The following SLC8A1 variants were observed in gnomAD, a reference collection of about 807,000 sequenced individuals.
SLC8A1 encodes sodium/calcium exchanger 1.
Under a neutral mutation model 68.3 loss-of-function variants are expected in SLC8A1, and 18 were observed. The ratio of observed to expected loss-of-function variants is 0.26; its 90% CI spans 0.18 to 0.39. The LOEUF is 0.39. Ranked by LOEUF, SLC8A1 falls within the 10% of genes least tolerant of loss-of-function variation. The pLI is 1.00. For synonymous variants in SLC8A1, 475 were observed against 415.5 expected (o/e 1.14, Z -1.74); for missense variants, 985 against 1,156.7 (o/e 0.85, Z 2.15).
Position 40,196,784 on chromosome 2 carries a change from C to T in SLC8A1, c.1809-18929G>A, listed in dbSNP as rs77930509. On this transcript the variant is annotated intron_variant, in intron 2 of 7. Transcript: ENST00000406785. Reference sequence around the variant, plus strand: ...TCATGAAATTTACACTTTTCCATGACGCTTTCTTAGATTGATCAGGTGTCA... The same window carrying T: ...TCATGAAATTTACACTTTTCCATGATGCTTTCTTAGATTGATCAGGTGTCA... Among the ~76,000 whole-genome samples, 1,147 of 152,112 alleles carry T rather than the reference C, an allele frequency of 7.5e-3. 7 individuals carry two copies. The highest frequency in any genetic ancestry group is 0.012 in the Non-Finnish European group (842 of 67,950).
At chr2:40,432,692 T>A (rs1402261138) in intron 1 of SLC8A1, among the ~76,000 whole-genome samples, 2 of 151,810 alleles carry the variant, frequency 1.3e-5, no homozygotes, top group Non-Finnish European at 2.9e-5. Context: ...CAGAGAACAC[T>A]GAATTGCCAT....
chr2:40,266,709 T>C (rs984596373), intron 2 of SLC8A1, among the ~76,000 whole-genome samples: 16 of 152,196 alleles, frequency 1.1e-4, no homozygotes, highest in African/African-American at 3.9e-4. Flanking sequence ...CCATGGATCA[T>C]TGCTCACTTT....
At chr2:40,493,332 C>A (rs1285010246) in intron 1 of SLC8A1, among the ~76,000 whole-genome samples, 4 of 55,224 alleles carry the variant, frequency 7.2e-5, no homozygotes, top group African/African-American at 3.1e-4. Flanking sequence ...ACATCACTCT[C>A]TGGGGACTGT....
intron 4 of SLC8A1, among the ~76,000 whole-genome samples, chr2:40,169,716 G>A (rs764270982): frequency 6.6e-6 from 1 of 152,090 alleles, no homozygotes; most frequent in Non-Finnish European, 1.5e-5. Flanking sequence ...AGAGGCGGGT[G>A]GACTGCTTGA....
At chr2:40,129,458 A>T (rs2038878155) in intron 7 of SLC8A1, among the ~76,000 whole-genome samples, 1 of 151,764 alleles carries the variant, frequency 6.6e-6, no homozygotes, top group South Asian at 2.1e-4. Context: ...CTCATCTCGA[A>T]CTCCTGGACT....
At chr2:40,469,883 CT>C (rs1198884275) in intron 1 of SLC8A1, among the ~76,000 whole-genome samples, 1 of 152,112 alleles carries the variant, frequency 6.6e-6, no homozygotes, top group Admixed American at 6.6e-5. Context: ...TATTATAAAC[CT>C]TCCCATTGAA....
chr2:40,427,277 T>G (rs1697124880), intron 2 of SLC8A1, among the ~76,000 whole-genome samples: 1 of 152,118 alleles, frequency 6.6e-6, no homozygotes, highest in African/African-American at 2.4e-5. Flanking sequence ...CTTTTTGGTT[T>G]GTTTTCTCTC....
chr2:40,180,157 A>G (rs2049206443), intron 2 of SLC8A1, among the ~76,000 whole-genome samples: 1 of 152,176 alleles, frequency 6.6e-6, no homozygotes, highest in African/African-American at 2.4e-5. Flanking sequence ...TACCAACAGT[A>G]TGATAATGTC....
chr2:40,288,985 C>T (rs530042977), intron 2 of SLC8A1, among the ~76,000 whole-genome samples: 14 of 151,090 alleles, frequency 9.3e-5, no homozygotes, highest in African/African-American at 3.4e-4. Flanking sequence ...TGGGATTAGG[C>T]GTGAGCCACT....
In SLC8A1 at chr2:40,315,779, A is replaced by G. The variant is rs972213569; in HGVS notation, c.1808+112694T>C. Among the ~76,000 whole-genome samples, 3 of 152,024 alleles carry G rather than the reference A, an allele frequency of 2.0e-5. 1 individual carries two copies. Among genetic ancestry groups the G allele is most frequent in the Admixed American group, 2.0e-4 (3 of 15,224 alleles). Reference sequence around the variant, plus strand: ...CCAGTAACATGTCCCAGAGATAGAAATTTATCTAAATGTTATCTAAGTTCT... The same window carrying G: ...CCAGTAACATGTCCCAGAGATAGAAGTTTATCTAAATGTTATCTAAGTTCT... On this transcript the variant is annotated intron_variant, in intron 2 of 7. Coordinates refer to ENST00000406785, the Ensembl canonical transcript of SLC8A1.
At chr2:40,252,328 A>G (rs1411715141) in intron 2 of SLC8A1, among the ~76,000 whole-genome samples, 2 of 151,658 alleles carry the variant, frequency 1.3e-5, no homozygotes, top group African/African-American at 4.8e-5. Context: ...TAGATAGTAC[A>G]TTTGTATTTT....
chr2:40,450,826 A>G (rs1400928104), intron 1 of SLC8A1, among the ~76,000 whole-genome samples: 1 of 152,232 alleles, frequency 6.6e-6, no homozygotes, highest in Non-Finnish European at 1.5e-5. Flanking sequence ...GACTGCGTAC[A>G]ACATGCACAT....
Position 40,277,777 on chromosome 2 carries a change from AAT to A in SLC8A1, c.1809-99924_1809-99923del, listed in dbSNP as rs1274838069. ...ATACGTACATATAAACATATGTATA[AAT>A]ATATATATATGTGTGTATATATATA... On this transcript the variant is annotated intron_variant, in intron 2 of 7. Transcript: ENST00000406785. 7.4e-4 allele frequency among the ~76,000 whole-genome samples: 85 copies of A among 114,456 alleles called. 1 individual carries two copies. The South Asian group carries it at 0.014, about 18-fold the overall frequency. The allele number at this position is 114,456 out of a possible 152,430, so 75.1% of individuals were successfully genotyped here.
chr2:40,260,341 A>G (rs1171139420), intron 2 of SLC8A1, among the ~76,000 whole-genome samples: 1 of 152,228 alleles, frequency 6.6e-6, no homozygotes. Context: ...CTTAGCCCAT[A>G]GAAGATAGGT....
intron 2 of SLC8A1, among the ~76,000 whole-genome samples, chr2:40,361,062 A>G (rs1376835034): frequency 6.6e-6 from 1 of 152,180 alleles, no homozygotes; most frequent in Non-Finnish European, 1.5e-5. Flanking sequence ...CTATGGTGAC[A>G]TCAGATAGAG....
chr2:40,428,791 T>C (rs889240340), exon 2 of SLC8A1: 2 of 1,613,830 alleles, frequency 1.2e-6, no homozygotes, highest in South Asian at 1.1e-5. Flanking sequence ...TACTTTGACA[T>C]TGCTGAGATG....
At chr2:40,252,840 AC>A (rs2063024278) in intron 2 of SLC8A1, among the ~76,000 whole-genome samples, 1 of 114,352 alleles carries the variant, frequency 8.7e-6, no homozygotes, top group African/African-American at 3.8e-5. Context: ...ACATGTGTAT[AC>A]ATATATGTAT....
chr2:40,097,857 C>T (rs1467389375), exon 8 of SLC8A1: 2 of 151,922 alleles, frequency 1.3e-5, no homozygotes, highest in African/African-American at 4.8e-5. Context: ...GTTGGTTGTA[C>T]ATAACCTCAG....
At chr2:40,248,603 G>C (rs1198095698) in intron 2 of SLC8A1, among the ~76,000 whole-genome samples, 2 of 152,160 alleles carry the variant, frequency 1.3e-5, no homozygotes, top group South Asian at 2.1e-4. Context: ...TGTTATAGCA[G>C]TCCAAATGAA....
Sources: gnomAD v4.1 joint callset for allele counts (sites outside exome capture counted in the v4.1 genomes callset) on GRCh38, gnomAD v4.1.1 for gene constraint, MANE v1.5 for transcripts, NCBI Gene and HGNC (gene_info 2026-07-23, HGNC 2026-07-21) for gene names.